Variants in GTF2F2 observed in about 807,000 individuals in gnomAD.
The protein encoded by GTF2F2 is ATP-dependent helicase GTF2F2.
Under a neutral mutation model 42.2 loss-of-function variants are expected in GTF2F2, and 23 were observed. That is an observed-to-expected ratio of 0.55 (90% CI 0.39 to 0.77). GTF2F2 has a LOEUF of 0.77. Among genes scored for constraint, GTF2F2 ranks in the 30% least tolerant of loss-of-function variants. The probability of loss-of-function intolerance (pLI) is 0.00; values close to 1 mark genes in which losing one functional copy is unlikely to be tolerated. For synonymous variants in GTF2F2, 105 were observed against 100.8 expected (o/e 1.04, Z -0.25); for missense variants, 261 against 287.2 (o/e 0.91, Z 0.66).
intron 6 of GTF2F2, among the ~76,000 whole-genome samples, chr13:45,264,563 G>T (rs531355331): frequency 1.3e-5 from 2 of 152,076 alleles, no homozygotes; most frequent in African/African-American, 4.8e-5. Context: ...GAGCCACTGC[G>T]CCTGGCCCCA....
At chr13:45,125,940 G>A (rs1046531663) in intron 1 of GTF2F2, among the ~76,000 whole-genome samples, 1 of 152,178 alleles carries the variant, frequency 6.6e-6, no homozygotes, top group Admixed American at 6.5e-5. Context: ...TCCTGTCCCA[G>A]CCAGTCAGTG....
intron 5 of GTF2F2, among the ~76,000 whole-genome samples, chr13:45,216,481 T>C (rs1873893949): frequency 6.6e-6 from 1 of 152,088 alleles, no homozygotes; most frequent in African/African-American, 2.4e-5. Flanking sequence ...TATGTGGGGC[T>C]GTACGTCTTT....
intron 7 of GTF2F2, among the ~76,000 whole-genome samples, chr13:45,269,011 A>G (rs1457104216): frequency 1.3e-5 from 2 of 152,182 alleles, no homozygotes; most frequent in Non-Finnish European, 2.9e-5. Context: ...CTTCCTGAAA[A>G]TCTGCAAAAA....
intron 4 of GTF2F2, among the ~76,000 whole-genome samples, chr13:45,191,503 G>C (rs942125541): frequency 2.0e-5 from 3 of 151,672 alleles, no homozygotes; most frequent in Non-Finnish European, 4.4e-5. Context: ...TGACTTATAA[G>C]TGACATTTTG....
intron 5 of GTF2F2, 53 bp from the exon 6 acceptor site, chr13:45,252,818 A>C (rs1457873651): frequency 1.3e-6 from 1 of 746,188 alleles, no homozygotes; most frequent in South Asian, 1.8e-5. Context: ...ATAACTCTTC[A>C]TATTTCACTC....
At chr13:45,235,071 A>G (rs1006165004) in intron 5 of GTF2F2, among the ~76,000 whole-genome samples, 1 of 137,884 alleles carries the variant, frequency 7.3e-6, no homozygotes, top group East Asian at 2.2e-4. Context: ...AAAAAAAAAA[A>G]GGTCATAGTT....
At chr13:45,167,898 A>G (rs548688423) in intron 4 of GTF2F2, among the ~76,000 whole-genome samples, 1 of 152,242 alleles carries the variant, frequency 6.6e-6, no homozygotes, top group African/African-American at 2.4e-5. Context: ...AGAATATTTT[A>G]TGGTTGAAAG....
At chr13:45,223,756 A>G (rs536713310) in intron 5 of GTF2F2, among the ~76,000 whole-genome samples, 1 of 152,324 alleles carries the variant, frequency 6.6e-6, no homozygotes, top group African/African-American at 2.4e-5. Context: ...TGTGCTATAC[A>G]GTCCTTCAAA....
chr13:45,198,559 T>G (rs1873016737), intron 4 of GTF2F2, among the ~76,000 whole-genome samples: 1 of 152,232 alleles, frequency 6.6e-6, no homozygotes, highest in Non-Finnish European at 1.5e-5. Context: ...TCTTGGTTGT[T>G]GTCAGCTGCA....
chr13:45,238,562 C>A (rs1425676483), intron 5 of GTF2F2, among the ~76,000 whole-genome samples: 1 of 151,990 alleles, frequency 6.6e-6, no homozygotes, highest in East Asian at 1.9e-4. Flanking sequence ...GTCACACACA[C>A]ATTTATTTTG....
At chr13:45,149,392 A>G (rs1392278574) in intron 2 of GTF2F2, among the ~76,000 whole-genome samples, 2 of 149,742 alleles carry the variant, frequency 1.3e-5, no homozygotes, top group East Asian at 2.0e-4. Flanking sequence ...GCAGTGAGCC[A>G]TGATTGGGCC....
In GTF2F2 at chr13:45,245,702, CATATACAT is replaced by C. The variant is rs1566149465; in HGVS notation, c.387-7167_387-7160del. ...ATATATATATATATATATATATATA[CATATACAT>C]ACACACACACACACACCACATTTTG... On this transcript the variant is annotated intron_variant, in intron 5 of 7. Transcript: ENST00000340473. 6.9e-3 allele frequency among the ~76,000 whole-genome samples: 381 copies of C among 55,034 alleles called. 2 individuals are homozygous for C. The highest frequency in any genetic ancestry group is 0.017 in the African/African-American group (213 of 12,286). 36.1% of individuals were successfully genotyped at this position (55,034 alleles called of 152,430 possible). A position where few individuals can be genotyped will look rare whatever the true frequency, so the allele number is the denominator to read the frequency against.
chr13:45,194,200 GCC>G, intron 4 of GTF2F2: 1 of 1,614,114 alleles, frequency 6.2e-7, no homozygotes, highest in Non-Finnish European at 8.5e-7. Context: ...CACTTCCTCT[GCC>G]AGTCCCTTGA....
chr13:45,166,770 T>C (rs1221581372), intron 4 of GTF2F2, among the ~76,000 whole-genome samples: 1 of 152,246 alleles, frequency 6.6e-6, no homozygotes, highest in African/African-American at 2.4e-5. Context: ...ATAGGGACTA[T>C]ATTGGTATAT....
intron 4 of GTF2F2, among the ~76,000 whole-genome samples, chr13:45,178,995 C>T (rs74068810): frequency 1.3e-5 from 2 of 152,244 alleles, no homozygotes; most frequent in African/African-American, 4.8e-5. Context: ...TTAGTGCTCT[C>T]GTCATTTAGT....
intron 5 of GTF2F2, among the ~76,000 whole-genome samples, chr13:45,246,732 T>C (rs964256201): frequency 1.3e-5 from 2 of 152,176 alleles, no homozygotes; most frequent in Non-Finnish European, 2.9e-5. Context: ...TCTGTGTAAA[T>C]TCACTTTAAA....
At chr13:45,159,825 G>T (rs1487934040) in intron 4 of GTF2F2, among the ~76,000 whole-genome samples, 1 of 152,086 alleles carries the variant, frequency 6.6e-6, no homozygotes, top group African/African-American at 2.4e-5. Flanking sequence ...ACATTAATTT[G>T]GTGCATTTCC....
At chr13:45,236,490 TACACAC>T (rs3047056) in intron 5 of GTF2F2, among the ~76,000 whole-genome samples, 4,522 of 141,980 alleles carry the variant, frequency 0.032, 174 homozygotes, top group African/African-American at 0.093. Flanking sequence ...CCGCCACACA[TACACAC>T]ACACACACAC....
rs145052873 is a variant in GTF2F2 at position 45,199,968 on chromosome 13, A to G, written c.305-7456A>G. Among the ~76,000 whole-genome samples, 1,304 of 152,306 alleles carry G rather than the reference A, an allele frequency of 8.6e-3. 7 individuals carry two copies. Among genetic ancestry groups the G allele is most frequent in the Non-Finnish European group, 0.014 (932 of 68,016 alleles). ...GAGCAAATGTGGTTTCTTACAGAGT[A>G]GGGAGGAGTTATAAACTAGGGATGG... On this transcript the variant is annotated intron_variant, in intron 4 of 7. Transcript: ENST00000340473.
Sources: allele counts gnomAD v4.1 joint callset (sites outside exome capture counted in the v4.1 genomes callset), GRCh38; gene constraint gnomAD v4.1.1; transcripts MANE v1.5; gene names NCBI Gene and HGNC (gene_info 2026-07-23, HGNC 2026-07-21).